WNT2B: variants seen among roughly 807,000 people sequenced by gnomAD.
WNT2B encodes the protein Wnt family member 2B.
WNT2B carries 19 observed loss-of-function variants against 40.5 expected under a neutral mutation model. The ratio of observed to expected loss-of-function variants is 0.47; its 90% CI spans 0.33 to 0.69. The LOEUF (loss-of-function observed/expected upper bound fraction) is 0.69. Ranked by LOEUF, WNT2B falls within the 30% of genes least tolerant of loss-of-function variation. WNT2B has a pLI of 0.02. For missense variants in WNT2B, 467 were observed against 556.4 expected, an observed-to-expected ratio of 0.84 and a Z score of 1.62; for synonymous variants, 220 against 211.9, an observed-to-expected ratio of 1.04 and a Z score of -0.33.
At chr1:112,501,570 G>A (rs113429175) in intron 1 of WNT2B, among the ~76,000 whole-genome samples, 1 of 152,140 alleles carries the variant, frequency 6.6e-6, no homozygotes, top group African/African-American at 2.4e-5. Context: ...TATGCTTTGG[G>A]TTACAATCGA....
At position 112,509,329 on chromosome 1, in the gene WNT2B, C is replaced by T. The variant is rs564238232; in HGVS notation, c.67C>T (p.Pro23Ser). 5.0e-6 allele frequency: 8 copies of T among 1,587,296 alleles called. No individual in the cohort carries two copies. The African/African-American group carries it at 9.5e-5, about 19-fold the overall frequency. Residue 23 changes from proline to serine, a missense_variant, in exon 1 of 5, where the codon CCT becomes TCT. Pro to Ser is a moderately conservative substitution (Grantham distance 74). Around this residue, in one of 2 missense-constraint regions of WNT2B, gnomAD observed 137 missense variants for 117.7 expected, o/e 1.16. Transcript: ENST00000369684. This position sits in a 1 kb window ranked among gnomAD's most constrained non-coding sequence, Gnocchi z 4.2. ...GCTTCGGCGCGCCAGCGCCCCGGTCCCTGTGCCGTCGCCCGCGGCCCCCGA... is the reference window on the plus strand; with the variant it reads ...GCTTCGGCGCGCCAGCGCCCCGGTCTCTGTGCCGTCGCCCGCGGCCCCCGA... Reference protein sequence around the residue: ...LPLRRASAPVPVPSPAAPDGS... With the variant: ...LPLRRASAPVSVPSPAAPDGS...
In WNT2B at chr1:112,509,326, G is replaced by A. The variant is rs1236075839; in HGVS notation, c.64G>A (p.Val22Ile). The A allele has an allele frequency of 6.3e-7, 1 of 1,584,656 alleles. No homozygotes were observed. Among genetic ancestry groups the A allele is most frequent in the Middle Eastern group, 2.3e-4 (1 of 4,416 alleles). The change falls in exon 1 of 5, where the codon GTC (valine) becomes ATC (isoleucine). Residue 22 changes from valine to isoleucine, a missense_variant. Physicochemically the swap from Val to Ile is conservative, Grantham distance 29. Coordinates refer to ENST00000369684, the MANE Select transcript of WNT2B (RefSeq NM_024494.3). The surrounding 1 kb of genome is among the most constrained non-coding windows in gnomAD (Gnocchi z 4.2). ...QLPLRRASAP[V>I]PVPSPAAPDG... ...CCCGCTTCGGCGCGCCAGCGCCCCG[G>A]TCCCTGTGCCGTCGCCCGCGGCCCC... is the stretch of plus-strand genomic sequence containing the variant.
Position 112,523,240 on chromosome 1 carries a change from C to T in WNT2B, c.*2731C>T, listed in dbSNP as rs890284494. 3 of 152,204 alleles carry T rather than the reference C, an allele frequency of 2.0e-5. No homozygotes were observed. The highest frequency in any genetic ancestry group is 7.2e-5 in the African/African-American group (3 of 41,432). 9.4% of individuals were successfully genotyped at this position (152,204 alleles called of 1,614,324 possible). A position where few individuals can be genotyped will look rare whatever the true frequency, so the allele number is the denominator to read the frequency against. ...CATCTCATGCTACTCTGTGCTTTTC[C>T]TTGGGCTCCAAATTCTAGCTCATAA... On this transcript the variant is annotated 3_prime_UTR_variant, in exon 5 of 5. Coordinates refer to ENST00000369684, the MANE Select transcript of WNT2B (RefSeq NM_024494.3).
intron 1 of WNT2B, among the ~76,000 whole-genome samples, chr1:112,487,953 A>AG (rs1651471888): frequency 6.6e-6 from 1 of 151,304 alleles, no homozygotes. Context: ...AAAAAAAAAA[A>AG]AAAAAATCTA....
At chr1:112,488,961 C>T (rs1462712526) in intron 1 of WNT2B, among the ~76,000 whole-genome samples, 3 of 152,108 alleles carry the variant, frequency 2.0e-5, no homozygotes, top group Non-Finnish European at 4.4e-5. Context: ...AATGGGAATT[C>T]TCATTCACTG....
rs1653394615 is a variant in WNT2B at position 112,526,386 on chromosome 1, A to G, written c.*5877A>G. 4 of 342,410 alleles carry G rather than the reference A, an allele frequency of 1.2e-5. No individual in the cohort carries two copies. Among genetic ancestry groups the G allele is most frequent in the Non-Finnish European group, 1.6e-5 (3 of 184,268 alleles). The allele number at this position is 342,410 out of a possible 1,614,324, so 21.2% of individuals were successfully genotyped here. ...AATTTTATCTAGTCCTTTTGAAATT[A>G]TGCTAAATGTATAGACACAGTAGAA... On this transcript the variant is annotated 3_prime_UTR_variant, in exon 5 of 5. Coordinates refer to ENST00000369684, the MANE Select transcript of WNT2B (RefSeq NM_024494.3).
chr1:112,486,310 T>A (rs1759696), intron 1 of WNT2B, among the ~76,000 whole-genome samples: 1 of 151,902 alleles, frequency 6.6e-6, no homozygotes, highest in African/African-American at 2.4e-5. Flanking sequence ...GGGCATGGTG[T>A]TAAGTGCCTG....
chr1:112,526,380 G>A lies in WNT2B; in HGVS notation c.*5871G>A, dbSNP rs1470664937. 5.7e-6 allele frequency: 2 copies of A among 351,614 alleles called. No individual in the cohort carries two copies. The highest frequency in any genetic ancestry group is 1.0e-5 in the Non-Finnish European group (2 of 190,852). The allele number at this position is 351,614 out of a possible 1,614,324, so 21.8% of individuals were successfully genotyped here. On this transcript the variant is annotated 3_prime_UTR_variant, in exon 5 of 5. Transcript: ENST00000369684. The stretch of plus-strand genomic sequence containing the variant: ...ATTAAAAATTTTATCTAGTCCTTTT[G>A]AAATTATGCTAAATGTATAGACACA...
At chr1:112,467,404 G>A in exon 1 of WNT2B, 1 of 641,364 alleles carries the variant, frequency 1.6e-6, no homozygotes, top group Non-Finnish European at 2.9e-6. Flanking sequence ...CCCATCACTG[G>A]CATGGCCCCT....
Position 112,529,334 on chromosome 1 carries a change from T to A in WNT2B, c.*8825T>A, listed in dbSNP as rs545892555. ...TAGTTCTCTTCCCTCCCCTAGGTAG[T>A]TTATAAAGGGTGATTTCTGAAACCC... On this transcript the variant is annotated 3_prime_UTR_variant, in exon 5 of 5. Coordinates refer to ENST00000369684, the MANE Select transcript of WNT2B (RefSeq NM_024494.3). The A allele has an allele frequency of 6.6e-6, 1 of 152,276 alleles. No individual in the cohort carries two copies. The highest frequency in any genetic ancestry group is 1.9e-4 in the East Asian group (1 of 5,192). 9.4% of individuals were successfully genotyped at this position (152,276 alleles called of 1,614,324 possible).
In WNT2B at chr1:112,490,492, C is replaced by CTTT. The variant is rs200730941; in HGVS notation, c.-95+22914_-95+22916dup. 2.8e-3 allele frequency among the ~76,000 whole-genome samples: 404 copies of CTTT among 142,580 alleles called. 1 individual carries two copies. Among genetic ancestry groups the CTTT allele is most frequent in the African/African-American group, 9.7e-3 (379 of 39,080 alleles). The allele number at this position is 142,580 out of a possible 152,430, so 93.5% of individuals were successfully genotyped here. A position where few individuals can be genotyped will look rare whatever the true frequency, so the allele number is the denominator to read the frequency against. ...TTACTTTTCTCAAAGAACTCATATT[C>CTTT]TTTTTTTTTTTTTTTGAGACGGAGT... On this transcript the variant is annotated intron_variant, in intron 1 of 4. Coordinates refer to the WNT2B transcript ENST00000256640.
intron 1 of WNT2B, among the ~76,000 whole-genome samples, chr1:112,490,414 C>T (rs941540486): frequency 5.3e-5 from 8 of 152,062 alleles, no homozygotes; most frequent in African/African-American, 1.9e-4. Context: ...AGGTGTTCTT[C>T]CAAGTGTGAG....
intron 1 of WNT2B, among the ~76,000 whole-genome samples, chr1:112,474,079 A>G (rs72699029): frequency 0.58 from 85,524 of 148,202 alleles, 25,660 homozygotes; most frequent in South Asian, 0.73. Flanking sequence ...AAAAAAAAAA[A>G]AAAGAAAGAA....
intron 1 of WNT2B, among the ~76,000 whole-genome samples, chr1:112,475,185 G>A (rs55830849): frequency 0.069 from 10,473 of 152,018 alleles, 1,215 homozygotes; most frequent in African/African-American, 0.24. Context: ...ATTATTGGGT[G>A]TGCTATAAAT....
chr1:112,482,126 C>G (rs1215704207), intron 1 of WNT2B, among the ~76,000 whole-genome samples: 1 of 143,652 alleles, frequency 7.0e-6, no homozygotes, highest in Non-Finnish European at 1.5e-5. Flanking sequence ...GCCTGGGCAA[C>G]AAGAGTGAAA....
intron 1 of WNT2B, among the ~76,000 whole-genome samples, chr1:112,468,213 T>A (rs1404769652): frequency 6.6e-6 from 1 of 152,212 alleles, no homozygotes; most frequent in East Asian, 1.9e-4. Context: ...CATCCGTTGA[T>A]GGACACTTAG....
chr1:112,479,628 C>G (rs1651159741), intron 1 of WNT2B, among the ~76,000 whole-genome samples: 1 of 152,094 alleles, frequency 6.6e-6, no homozygotes. Context: ...CAGCAGCCAA[C>G]AAGATCACAA....
At chr1:112,496,597 T>C (rs1008781318) in intron 1 of WNT2B, among the ~76,000 whole-genome samples, 6 of 136,756 alleles carry the variant, frequency 4.4e-5, no homozygotes, top group African/African-American at 1.5e-4. Context: ...CGTTTCTTTT[T>C]CTTTTTTGTT....
chr1:112,471,475 A>T (rs538931403), intron 1 of WNT2B, among the ~76,000 whole-genome samples: 13 of 152,288 alleles, frequency 8.5e-5, no homozygotes, highest in Non-Finnish European at 1.6e-4. Flanking sequence ...TGGAGGTATG[A>T]TTATCTATTC....
Sources: gnomAD v4.1 joint callset for allele counts (sites outside exome capture counted in the v4.1 genomes callset) on GRCh38, gnomAD v4.1.1 for gene constraint, gnomAD v4.1.1 regional missense constraint, Gnocchi (gnomAD v3.1) non-coding constraint, MANE v1.5 for transcripts, NCBI Gene and HGNC (gene_info 2026-07-23, HGNC 2026-07-21) for gene names.